TENM1: variants seen among roughly 807,000 people sequenced by gnomAD.
TENM1 encodes the protein teneurin transmembrane protein 1.
In TENM1, 35 loss-of-function variants were observed where a neutral mutation model predicts 174.8. The observed-to-expected ratio is 0.20, with a 90% CI of 0.15 to 0.27. TENM1 has a LOEUF of 0.27. TENM1 is among the 10% of genes least tolerant of loss of function. TENM1 has a pLI of 1.00. For missense variants in TENM1, 1,633 were observed against 2,130.1 expected, an observed-to-expected ratio of 0.77 and a Z score of 4.59; for synonymous variants, 781 against 798.7, an observed-to-expected ratio of 0.98 and a Z score of 0.37.
intron 3 of TENM1, among the ~76,000 whole-genome samples, chrX:124,817,865 T>C (rs1415679403): frequency 8.9e-6 from 1 of 111,950 alleles, no homozygotes; most frequent in African/African-American, 3.2e-5. Context: ...GAGAATGTTA[T>C]GGCATTATTT....
At chrX:125,112,294 G>A in the TENM1 span, among the ~76,000 whole-genome samples, 2 of 109,548 alleles carry the variant, frequency 1.8e-5, no homozygotes, top group East Asian at 2.9e-4. Flanking sequence ...GGCTCGAGAT[G>A]TAGGCTTGTG....
intron 21 of TENM1, among the ~76,000 whole-genome samples, chrX:124,486,337 T>A (rs1347504650): frequency 8.9e-6 from 1 of 112,508 alleles, no homozygotes; most frequent in African/African-American, 3.2e-5. Flanking sequence ...TCACATAGAT[T>A]GTTAAATGGG....
intron 16 of TENM1, among the ~76,000 whole-genome samples, chrX:124,524,990 A>G (rs1054356166): frequency 8.9e-6 from 1 of 112,300 alleles, no homozygotes; most frequent in African/African-American, 3.2e-5. Flanking sequence ...AATTGCCTGC[A>G]TTAAAAAAGA....
chrX:124,881,524 C>T (rs773719309), intron 3 of TENM1, among the ~76,000 whole-genome samples: 3 of 109,842 alleles, frequency 2.7e-5, no homozygotes, highest in African/African-American at 9.9e-5. Context: ...TCATTTAGTT[C>T]TGTTCTGATC....
intron 11 of TENM1, among the ~76,000 whole-genome samples, chrX:124,616,346 TTAAC>T (rs1331662162): frequency 1.8e-5 from 2 of 112,615 alleles, no homozygotes; most frequent in Admixed American, 9.4e-5. Context: ...AAAATACTAA[TTAAC>T]TATCAGGAAG....
At chrX:124,871,640 T>C (rs1407409204) in intron 3 of TENM1, among the ~76,000 whole-genome samples, 1 of 111,796 alleles carries the variant, frequency 8.9e-6, no homozygotes, top group African/African-American at 3.3e-5. Flanking sequence ...GAAATAAATT[T>C]GAGAGTCATT....
At chrX:124,429,027 C>T (rs774852020) in intron 23 of TENM1, among the ~76,000 whole-genome samples, 1 of 112,001 alleles carries the variant, frequency 8.9e-6, no homozygotes, top group South Asian at 3.8e-4. Flanking sequence ...TTACTGAATG[C>T]CTGCTGGGTG....
At chrX:125,176,191 C>T in the TENM1 span, among the ~76,000 whole-genome samples, 3 of 101,305 alleles carry the variant, frequency 3.0e-5, no homozygotes, top group Non-Finnish European at 6.1e-5. Context: ...TAACAGCCAG[C>T]ACTCACTTGG....
chrX:124,646,833 A>G (rs771526799), intron 8 of TENM1, 23 bp from the exon 12 acceptor site: 13 of 1,034,150 alleles, frequency 1.3e-5, no homozygotes, highest in African/African-American at 1.9e-5. Context: ...AGAAAAAGAT[A>G]AAAAAAATGA....
intron 3 of TENM1, among the ~76,000 whole-genome samples, chrX:124,752,204 T>A (rs1401536931): frequency 8.9e-6 from 1 of 111,940 alleles, no homozygotes; most frequent in Non-Finnish European, 1.9e-5. Flanking sequence ...TGAGATGGTA[T>A]CTCATTGTGG....
chrX:125,032,900 G>T, the TENM1 span, among the ~76,000 whole-genome samples: 1 of 111,690 alleles, frequency 9.0e-6, no homozygotes, highest in Non-Finnish European at 1.9e-5. Flanking sequence ...CATGTTGCAT[G>T]AATTCATTCT....
chrX:124,957,630 G>C (rs1049629107), intron 1 of TENM1, among the ~76,000 whole-genome samples: 6 of 107,757 alleles, frequency 5.6e-5, no homozygotes, highest in Non-Finnish European at 1.1e-4. Context: ...CCACCAGATG[G>C]CAATAATGTG....
chrX:124,431,278 C>A (rs1237840491), intron 23 of TENM1, among the ~76,000 whole-genome samples: 1 of 112,506 alleles, frequency 8.9e-6, no homozygotes, highest in Non-Finnish European at 1.9e-5. Flanking sequence ...AAAGGTCCTG[C>A]CTCCCCATTT....
chrX:124,926,881 A>C (rs1001625680), intron 1 of TENM1, among the ~76,000 whole-genome samples: 11 of 112,118 alleles, frequency 9.8e-5, no homozygotes, highest in African/African-American at 2.9e-4. Context: ...TAGAAAATAC[A>C]ATCTTTGAGG....
exon 12 of TENM1, chrX:124,565,519 T>C (rs2048921374): frequency 4.1e-6 from 5 of 1,208,034 alleles, no homozygotes; most frequent in Admixed American, 4.4e-5. Flanking sequence ...CAAATTCCTC[T>C]TGAGCAGACT....
At chrX:124,816,439 CAGA>C (rs1415810693) in intron 3 of TENM1, among the ~76,000 whole-genome samples, 2 of 111,838 alleles carry the variant, frequency 1.8e-5, no homozygotes, top group East Asian at 5.6e-4. Context: ...TTTGGAAATA[CAGA>C]AGAATGACTC....
At chrX:124,762,052 A>G (rs1381347475) in intron 3 of TENM1, among the ~76,000 whole-genome samples, 2 of 112,393 alleles carry the variant, frequency 1.8e-5, no homozygotes, top group Non-Finnish European at 3.8e-5. Context: ...GCCCAATATC[A>G]ATCCTTTTGT....
chrX:124,542,795 A>G (rs992605132), intron 15 of TENM1, among the ~76,000 whole-genome samples: 2 of 111,348 alleles, frequency 1.8e-5, no homozygotes, highest in African/African-American at 6.5e-5. Context: ...CAGAGTGTAT[A>G]CCAACTTATT....
At chrX:125,116,499 G>A in the TENM1 span, among the ~76,000 whole-genome samples, 1 of 111,913 alleles carries the variant, frequency 8.9e-6, no homozygotes, top group Non-Finnish European at 1.9e-5. Context: ...CTGACAAAGG[G>A]CTAATATCCA....
Sources: gnomAD v4.1 joint callset for allele counts (sites outside exome capture counted in the v4.1 genomes callset) on GRCh38, gnomAD v4.1.1 for gene constraint, MANE v1.5 for transcripts, NCBI Gene and HGNC (gene_info 2026-07-23, HGNC 2026-07-21) for gene names.